The following CR1 variants were observed in gnomAD, a reference collection of about 807,000 sequenced individuals.
The protein encoded by CR1 is complement receptor type 1.
CR1 carries 116 observed loss-of-function variants against 187.3 expected under a neutral mutation model. The observed-to-expected ratio is 0.62, with a 90% CI of 0.53 to 0.72. The LOEUF is 0.72. CR1 is among the 30% of genes least tolerant of loss of function. The pLI, the probability that CR1 is intolerant of heterozygous loss-of-function variation, is 0.00. For missense variants in CR1, 1,731 were observed against 2,110.7 expected (o/e 0.82, Z 3.52); for synonymous variants, 576 against 747.1 (o/e 0.77, Z 3.73).
At chr1:207,577,259 A>G (rs1161054983) in intron 28 of CR1, among the ~76,000 whole-genome samples, 2 of 132,856 alleles carry the variant, frequency 1.5e-5, no homozygotes, top group Admixed American at 7.7e-5. Flanking sequence ...AAAACAAACA[A>G]ACAAACAAAA....
intron 35 of CR1, among the ~76,000 whole-genome samples, chr1:207,597,223 TAAAAA>T (rs1365361242): frequency 6.6e-6 from 1 of 151,728 alleles, no homozygotes; most frequent in Non-Finnish European, 1.5e-5. Context: ...GTTAAATAAA[TAAAAA>T]GGAAAGAACA....
chr1:207,608,143 A>G (rs774584875), intron 36 of CR1, among the ~76,000 whole-genome samples: 6 of 152,214 alleles, frequency 3.9e-5, no homozygotes, highest in African/African-American at 7.2e-5. Context: ...ATAGTGGAAA[A>G]TGTTAAACAA....
intron 24 of CR1, among the ~76,000 whole-genome samples, chr1:207,566,986 A>G (rs191187976): frequency 6.6e-6 from 1 of 150,416 alleles, no homozygotes; most frequent in East Asian, 1.9e-4. Context: ...AAGCAGTATG[A>G]CAAGTGTCTG....
chr1:207,609,143 G>A (rs1661834563), intron 36 of CR1, 147 bp from the exon 37 acceptor site: 1 of 869,804 alleles, frequency 1.1e-6, no homozygotes, highest in Non-Finnish European at 1.6e-6. Flanking sequence ...AAAAATGTCT[G>A]ATTATTAGCA....
At chr1:207,509,027 TA>T (rs1467019270) in intron 3 of CR1, among the ~76,000 whole-genome samples, 16 of 152,350 alleles carry the variant, frequency 1.1e-4, no homozygotes, top group Admixed American at 1.0e-3. Flanking sequence ...TATCCTTAAA[TA>T]TATTTTCTGA....
intron 1 of CR1, 50 bp downstream of exon 1, chr1:207,496,438 G>C (rs776088016): frequency 6.5e-7 from 1 of 1,546,976 alleles, no homozygotes; most frequent in Non-Finnish European, 8.7e-7. Context: ...GAGGAACCCG[G>C]GGCCCCGCAG....
chr1:207,591,383 G>A (rs1220346496), intron 35 of CR1, among the ~76,000 whole-genome samples: 4 of 152,054 alleles, frequency 2.6e-5, no homozygotes, highest in African/African-American at 7.2e-5. Flanking sequence ...GCAGAAATAA[G>A]TAAGTTCTTT....
In CR1 at chr1:207,609,459, T is replaced by C; in HGVS notation, c.6066T>C (p.Asp2022=). The C allele has an allele frequency of 3.7e-6, 6 of 1,614,022 alleles. No individual in the cohort carries two copies. Among genetic ancestry groups the C allele is most frequent in the Non-Finnish European group, 5.1e-6 (6 of 1,179,882 alleles). The change falls in exon 37 of 47, where the codon GAT becomes GAC. Residue 2022 remains aspartate, a synonymous_variant. Transcript: ENST00000367049. The part of the protein sequence containing the change: ...GERSIYCTSK[D]DQVGVWSSPP... ...GGTCAATATATTGCACCAGCAAAGA[T>C]GATCAAGTTGGTGTTTGGAGCAGCC...
intron 36 of CR1, 78 bp downstream of exon 36, chr1:207,607,414 T>A: frequency 9.3e-7 from 1 of 1,074,702 alleles, no homozygotes; most frequent in Non-Finnish European, 1.4e-6. Flanking sequence ...ATAAATTGAA[T>A]CCTTCTTGCA....
Position 207,514,444 on chromosome 1 carries a change from G to A in CR1, c.487+2790G>A, listed in dbSNP as rs146691338. On this transcript the variant is annotated intron_variant, in intron 4 of 46. Transcript: ENST00000367049. The stretch of plus-strand genomic sequence containing the variant: ...AGTGAGGCCTTTGAAAGATGATTAG[G>A]GCATGAGAGCAGAGCCATCACGAAT... 2.4e-3 allele frequency among the ~76,000 whole-genome samples: 359 copies of A among 152,186 alleles called. 2 individuals carry two copies. The highest frequency in any genetic ancestry group is 7.9e-3 in the African/African-American group (326 of 41,500).
In CR1 at chr1:207,577,969, A is replaced by G. The variant is rs753325833; in HGVS notation, c.4702A>G (p.Asn1568Asp). The change falls in exon 29 of 47, where the codon AAT becomes GAT. Residue 1568 changes from asparagine to aspartate, a missense_variant. Asn to Asp is a conservative substitution (Grantham distance 23, BLOSUM62 1). Coordinates refer to ENST00000367049, the MANE Select transcript of CR1 (RefSeq NM_000651.6). ...VGEPSIYCTS[N>D]DDQVGIWSGP... ...TGAGCCCTCCATATACTGCACCAGCAATGACGATCAAGTGGGCATCTGGAG... is the reference window on the plus strand; with the variant it reads ...TGAGCCCTCCATATACTGCACCAGCGATGACGATCAAGTGGGCATCTGGAG... The G allele has an allele frequency of 6.2e-7, 1 of 1,611,922 alleles. No individual in the cohort carries two copies. The highest frequency in any genetic ancestry group is 1.1e-5 in the South Asian group (1 of 90,992).
chr1:207,611,029 ATTCT>A (rs1008759840), intron 37 of CR1, among the ~76,000 whole-genome samples: 4 of 151,076 alleles, frequency 2.6e-5, no homozygotes, highest in East Asian at 1.9e-4. Context: ...CATCTTATTC[ATTCT>A]TTCTTTTTTT....
chr1:207,629,521 G>C (rs936016131), intron 45 of CR1, among the ~76,000 whole-genome samples: 7 of 152,128 alleles, frequency 4.6e-5, no homozygotes, highest in African/African-American at 9.7e-5. Flanking sequence ...TGCCTTCCCT[G>C]TCCTGTGAAA....
intron 35 of CR1, among the ~76,000 whole-genome samples, chr1:207,604,442 T>C (rs916498755): frequency 6.6e-6 from 1 of 152,238 alleles, no homozygotes; most frequent in African/African-American, 2.4e-5. Context: ...CCTAGTTCTT[T>C]TATGGTTTTA....
chr1:207,616,463 A>G (rs1662097814), intron 40 of CR1, 112 bp from the exon 41 acceptor site: 3 of 1,282,622 alleles, frequency 2.3e-6, no homozygotes, highest in African/African-American at 3.0e-5. Flanking sequence ...TACCTTAGTT[A>G]TATTCTTTCT....
intron 39 of CR1, 63 bp downstream of exon 39, chr1:207,612,104 G>A: frequency 2.0e-6 from 3 of 1,524,680 alleles, no homozygotes; most frequent in Non-Finnish European, 2.7e-6. Flanking sequence ...TTGAGATCAG[G>A]GGTTAATCCA....
intron 5 of CR1, among the ~76,000 whole-genome samples, chr1:207,525,225 A>C (rs1239359964): frequency 6.6e-6 from 1 of 151,902 alleles, no homozygotes; most frequent in African/African-American, 2.4e-5. Flanking sequence ...GGGAATTACC[A>C]TTTGACATGA....
At chr1:207,612,188 G>A in intron 39 of CR1, 147 bp downstream of exon 39, 1 of 899,200 alleles carries the variant, frequency 1.1e-6, no homozygotes, top group South Asian at 1.6e-5. Context: ...TGAAATAAGG[G>A]TAGGGACTAA....
intron 5 of CR1, among the ~76,000 whole-genome samples, chr1:207,524,840 T>C (rs1209218268): frequency 2.6e-5 from 4 of 151,920 alleles, no homozygotes; most frequent in Non-Finnish European, 5.9e-5. Context: ...TTACTCTAGA[T>C]ACTTTCAAGG....
Sources: gnomAD v4.1 joint callset for allele counts (sites outside exome capture counted in the v4.1 genomes callset) on GRCh38, gnomAD v4.1.1 for gene constraint, MANE v1.5 for transcripts, NCBI Gene and HGNC (gene_info 2026-07-23, HGNC 2026-07-21) for gene names.